The following FTCDNL1 variants were observed in gnomAD, a reference collection of about 807,000 sequenced individuals.
FTCDNL1 encodes the protein formiminotransferase cyclodeaminase N-terminal like, also known as formiminotransferase N-terminal subdomain-containing protein.
In FTCDNL1, 11 loss-of-function variants were observed where a neutral mutation model predicts 5.9. That is an observed-to-expected ratio of 1.87 (90% CI 1.18 to 3.10). FTCDNL1 has a LOEUF of 3.10. Ranked by LOEUF, FTCDNL1 falls within the 30% of genes most tolerant of loss-of-function variation. The pLI is 0.00. For missense variants in FTCDNL1, 115 were observed against 65.5 expected (o/e 1.76, Z -2.61); for synonymous variants, 58 against 24.8 (o/e 2.34, Z -3.99).
chr2:199,709,968 GCTT>G, the FTCDNL1 span, among the ~76,000 whole-genome samples: 1 of 151,870 alleles, frequency 6.6e-6, no homozygotes, highest in Non-Finnish European at 1.5e-5. Context: ...ATTATTCTCA[GCTT>G]CCATATTTGC....
downstream of FTCDNL1, among the ~76,000 whole-genome samples, chr2:199,805,621 C>T (rs912585228): frequency 2.6e-5 from 4 of 152,104 alleles, no homozygotes; most frequent in Admixed American, 6.5e-5. Flanking sequence ...CGCCTGTAAT[C>T]CCAGCTACTC....
chr2:199,716,453 C>T, the FTCDNL1 span, among the ~76,000 whole-genome samples: 1 of 152,062 alleles, frequency 6.6e-6, no homozygotes, highest in Non-Finnish European at 1.5e-5. Context: ...CCTTTTTTAG[C>T]CCCAATTCTC....
the FTCDNL1 span, among the ~76,000 whole-genome samples, chr2:199,710,570 C>G: frequency 2.0e-5 from 3 of 152,026 alleles, no homozygotes; most frequent in African/African-American, 7.2e-5. Context: ...TAATGAGATT[C>G]AACTGTATAA....
chr2:199,844,098 A>C (rs986708480), intron 3 of FTCDNL1, among the ~76,000 whole-genome samples: 6 of 152,186 alleles, frequency 3.9e-5, no homozygotes, highest in Non-Finnish European at 7.3e-5. Context: ...TAAAAGACTT[A>C]CTAGAAACTG....
chr2:199,849,054 G>T, intron 1 of FTCDNL1, 85 bp from the exon 2 acceptor site: 1 of 646,804 alleles, frequency 1.5e-6, no homozygotes, highest in Admixed American at 2.6e-5. Flanking sequence ...TAACTTTTTG[G>T]AAACGAAGCA....
chr2:199,765,556 A>ATTTTTTTTTTTTTTTTTTTTT (rs374926252), intron 3 of FTCDNL1, among the ~76,000 whole-genome samples: 4 of 42,664 alleles, frequency 9.4e-5, no homozygotes, highest in Admixed American at 4.3e-4. Flanking sequence ...ATATATATAT[A>ATTTTTTTTTTTTTTTTTTTTT]TTTTTTTTTT....
At chr2:199,729,331 A>G in the FTCDNL1 span, among the ~76,000 whole-genome samples, 5 of 152,326 alleles carry the variant, frequency 3.3e-5, no homozygotes, top group East Asian at 9.6e-4. Flanking sequence ...TATCCAACAC[A>G]GTATTGGAAG....
intron 3 of FTCDNL1, among the ~76,000 whole-genome samples, chr2:199,765,556 A>ATATATAT: frequency 2.3e-5 from 1 of 42,666 alleles, no homozygotes; most frequent in Non-Finnish European, 4.8e-5. Flanking sequence ...ATATATATAT[A>ATATATAT]TTTTTTTTTT....
the FTCDNL1 span, among the ~76,000 whole-genome samples, chr2:199,725,336 T>C: frequency 1.3e-5 from 2 of 152,212 alleles, no homozygotes; most frequent in Non-Finnish European, 2.9e-5. Context: ...CTCTAATTTA[T>C]CCAGCTTGCC....
chr2:199,726,498 C>A, the FTCDNL1 span, among the ~76,000 whole-genome samples: 4 of 152,224 alleles, frequency 2.6e-5, no homozygotes, highest in Non-Finnish European at 5.9e-5. Context: ...CATGTTTTTG[C>A]GCTGATTTTT....
chr2:199,725,987 C>A, the FTCDNL1 span, among the ~76,000 whole-genome samples: 1 of 152,072 alleles, frequency 6.6e-6, no homozygotes, highest in Non-Finnish European at 1.5e-5. Flanking sequence ...TGTTTTCCAA[C>A]TTGGTTCCAT....
chr2:199,770,876 C>T (rs1698774428), intron 3 of FTCDNL1, among the ~76,000 whole-genome samples: 1 of 152,184 alleles, frequency 6.6e-6, no homozygotes, highest in South Asian at 2.1e-4. Flanking sequence ...ACAAGGAGCA[C>T]CTGGCTGCCA....
intron 3 of FTCDNL1, among the ~76,000 whole-genome samples, chr2:199,834,309 T>A (rs1702568022): frequency 6.6e-6 from 1 of 152,152 alleles, no homozygotes; most frequent in Non-Finnish European, 1.5e-5. Context: ...TCCAGGATTG[T>A]GAGACAATAA....
chr2:199,796,094 G>C (rs1213240786), intron 3 of FTCDNL1, among the ~76,000 whole-genome samples: 2 of 151,952 alleles, frequency 1.3e-5, no homozygotes, highest in African/African-American at 4.8e-5. Context: ...ATGTCTTCTA[G>C]AGATATATGT....
chr2:199,847,963 T>G (rs1489743437), intron 2 of FTCDNL1, among the ~76,000 whole-genome samples: 1 of 152,222 alleles, frequency 6.6e-6, no homozygotes, highest in East Asian at 1.9e-4. Context: ...TAAGATGGGT[T>G]GGGGGAAAAC....
At chr2:199,804,310 G>A (rs1700613894), downstream of FTCDNL1, among the ~76,000 whole-genome samples, 1 of 152,168 alleles carries the variant, frequency 6.6e-6, no homozygotes, top group African/African-American at 2.4e-5. Context: ...AGAGGTTTGG[G>A]AAAGGCGTTT....
intron 3 of FTCDNL1, among the ~76,000 whole-genome samples, chr2:199,765,556 A>ATATATATATATATATTTTTTTTTTTT: frequency 2.3e-5 from 1 of 42,652 alleles, no homozygotes; most frequent in Non-Finnish European, 4.8e-5. Flanking sequence ...ATATATATAT[A>ATATATATATATATATTTTTTTTTTTT]TTTTTTTTTT....
At chr2:199,747,912 T>A in the FTCDNL1 span, among the ~76,000 whole-genome samples, 1 of 152,138 alleles carries the variant, frequency 6.6e-6, no homozygotes, top group Non-Finnish European at 1.5e-5. Context: ...CCTGGGAACC[T>A]CTGTTTTAGG....
chr2:199,706,197 T>G, the FTCDNL1 span, among the ~76,000 whole-genome samples: 1 of 152,204 alleles, frequency 6.6e-6, no homozygotes, highest in East Asian at 1.9e-4. Flanking sequence ...TGGGGACAAC[T>G]GTTAAGACTT....
Sources: allele counts gnomAD v4.1 joint callset (sites outside exome capture counted in the v4.1 genomes callset), GRCh38; gene constraint gnomAD v4.1.1; transcripts MANE v1.5; gene names NCBI Gene and HGNC (gene_info 2026-07-23, HGNC 2026-07-21).